The following HECW2 variants were observed in gnomAD, a reference collection of about 807,000 sequenced individuals.
HECW2 encodes the protein E3 ubiquitin-protein ligase HECW2.
Under a neutral mutation model 175.2 loss-of-function variants are expected in HECW2, and 61 were observed. That is an observed-to-expected ratio of 0.35 (90% CI 0.28 to 0.43). The LOEUF (loss-of-function observed/expected upper bound fraction) is 0.43, where lower values mean the gene tolerates loss of function less well. Ranked by LOEUF, HECW2 falls within the 20% of genes least tolerant of loss-of-function variation. HECW2 has a pLI of 1.00. For synonymous variants in HECW2, 671 were observed against 731.0 expected (o/e 0.92, Z 1.32); for missense variants, 1,524 against 2,000.5 (o/e 0.76, Z 4.54).
At chr2:196,283,661 G>A (rs578164166) in intron 14 of HECW2, among the ~76,000 whole-genome samples, 43 of 152,200 alleles carry the variant, frequency 2.8e-4, no homozygotes, top group Non-Finnish European at 4.9e-4. Context: ...AATTACAGGC[G>A]TAAGCCACCA....
rs747762989 is a variant in HECW2 at position 196,319,447 on chromosome 2, G to A, written c.1443C>T (p.Ser481=). The change falls in exon 9 of 29, where the codon TCC becomes TCT. Residue 481 remains serine (S), a synonymous_variant. Transcript: ENST00000644978. ...EFQQDLGYPS[S]LEEEGGLIMF... is the part of the protein sequence containing the mutation. ...TGATCAGGCCTCCCTCCTCCTCCAA[G>A]GAAGATGGGTAACCCAGGTCTTGCT... 20 of 1,613,808 alleles carry A rather than the reference G, an allele frequency of 1.2e-5. No individual in the cohort carries two copies. Among genetic ancestry groups the A allele is most frequent in the African/African-American group, 5.3e-5 (4 of 74,924 alleles).
chr2:196,529,753 A>C (rs1688782061), intron 1 of HECW2, among the ~76,000 whole-genome samples: 1 of 152,242 alleles, frequency 6.6e-6, no homozygotes, highest in Non-Finnish European at 1.5e-5. Flanking sequence ...CTGAGTGACC[A>C]TGAAGAGCAA....
chr2:196,237,278 T>C (rs964351806), intron 21 of HECW2, among the ~76,000 whole-genome samples: 2 of 152,216 alleles, frequency 1.3e-5, no homozygotes, highest in Admixed American at 1.3e-4. Context: ...TTCTGAGATT[T>C]TGGTGCACCA....
chr2:196,472,161 T>C (rs1697227325), intron 1 of HECW2, among the ~76,000 whole-genome samples: 1 of 152,034 alleles, frequency 6.6e-6, no homozygotes, highest in Non-Finnish European at 1.5e-5. Flanking sequence ...ATGCTATATA[T>C]TGTATGTAGG....
chr2:196,305,937 C>T (rs567852532), intron 13 of HECW2, among the ~76,000 whole-genome samples: 5 of 152,194 alleles, frequency 3.3e-5, no homozygotes, highest in South Asian at 2.1e-4. Flanking sequence ...CCTCAGCCCT[C>T]GGAGACTCGT....
intron 28 of HECW2, among the ~76,000 whole-genome samples, chr2:196,208,575 G>T (rs1046952412): frequency 5.9e-5 from 9 of 152,210 alleles, no homozygotes; most frequent in South Asian, 2.1e-4. Context: ...AGGGGTGAAA[G>T]AGTGACAGGT....
chr2:196,418,222 G>A (rs552001005), intron 2 of HECW2, among the ~76,000 whole-genome samples: 14 of 151,676 alleles, frequency 9.2e-5, no homozygotes, highest in African/African-American at 2.9e-4. Flanking sequence ...TCTGCCTCCC[G>A]GGTTCACGCC....
chr2:196,451,389 C>T (rs944231957), intron 1 of HECW2, among the ~76,000 whole-genome samples: 3 of 148,570 alleles, frequency 2.0e-5, no homozygotes, highest in African/African-American at 5.0e-5. Flanking sequence ...GCTGAGATCG[C>T]GCCACTGCAC....
intron 27 of HECW2, 41 bp from the exon 28 acceptor site, chr2:196,216,018 G>A (rs1482330377): frequency 7.1e-7 from 1 of 1,408,768 alleles, no homozygotes; most frequent in African/African-American, 1.4e-5. Flanking sequence ...TGAAGCCAGA[G>A]ACCAACAGCC....
chr2:196,415,156 G>A (rs1317085310), intron 2 of HECW2, among the ~76,000 whole-genome samples: 2 of 152,090 alleles, frequency 1.3e-5, no homozygotes, highest in Admixed American at 6.5e-5. Context: ...ATTTCTCTGG[G>A]GCCACTGTCT....
At chr2:196,321,706 T>C (rs1178445035) in intron 7 of HECW2, among the ~76,000 whole-genome samples, 1 of 152,156 alleles carries the variant, frequency 6.6e-6, no homozygotes, top group Non-Finnish European at 1.5e-5. Context: ...GGCCAACTTA[T>C]TCTTAATTAA....
At chr2:196,228,632 T>C (rs1025173978) in intron 21 of HECW2, among the ~76,000 whole-genome samples, 4 of 152,242 alleles carry the variant, frequency 2.6e-5, no homozygotes, top group African/African-American at 9.6e-5. Context: ...GAGAAAGCTT[T>C]ATTTAAACAG....
At chr2:196,494,343 A>G (rs1298809053) in intron 1 of HECW2, among the ~76,000 whole-genome samples, 1 of 152,240 alleles carries the variant, frequency 6.6e-6, no homozygotes, top group African/African-American at 2.4e-5. Flanking sequence ...TAAGAAGAGC[A>G]TTCTAGTAGC....
chr2:196,398,225 A>G (rs1032200254), intron 2 of HECW2, among the ~76,000 whole-genome samples: 8 of 152,126 alleles, frequency 5.3e-5, no homozygotes, highest in Admixed American at 3.3e-4. Flanking sequence ...AATGGGAAAG[A>G]CTCATAATTT....
chr2:196,555,042 GC>G (rs1553537277), intron 1 of HECW2, among the ~76,000 whole-genome samples: 1 of 152,024 alleles, frequency 6.6e-6, no homozygotes, highest in Non-Finnish European at 1.5e-5. Flanking sequence ...CTTCAAGGTC[GC>G]CCAAAATACA....
In HECW2 at chr2:196,433,279, C is replaced by T. The variant is rs1695770270; in HGVS notation, c.145G>A (p.Asp49Asn). 4 of 1,614,116 alleles carry T rather than the reference C, an allele frequency of 2.5e-6. No individual in the cohort carries two copies. Among genetic ancestry groups the T allele is most frequent in the African/African-American group, 1.3e-5 (1 of 75,016 alleles). The change falls in exon 2 of 29, where the codon GAC becomes AAC. Residue 49 changes from aspartate (D) to asparagine (N), a missense_variant. Physicochemically the swap from Asp to Asn is conservative, Grantham distance 23. This residue lies in a region of HECW2 where 135 missense variants were observed against 214.6 expected (regional missense o/e 0.63). Coordinates refer to ENST00000644978, the MANE Select transcript of HECW2 (RefSeq NM_001348768.2). Reference sequence around the variant, plus strand: ...CTCTCAGAAGTCACCAGGTCGGTGTCGCTGTTGGCCCGCTGCAGGGTCATG... The same window carrying T: ...CTCTCAGAAGTCACCAGGTCGGTGTTGCTGTTGGCCCGCTGCAGGGTCATG... ...ENMTLQRANS[D>N]TDLVTSESRS... is the part of the protein sequence containing the mutation.
At chr2:196,208,825 C>T (rs532510333) in intron 28 of HECW2, among the ~76,000 whole-genome samples, 84 of 152,196 alleles carry the variant, frequency 5.5e-4, no homozygotes, top group African/African-American at 1.8e-3. Context: ...CAGACCAGGG[C>T]CCCACAGGAA....
intron 1 of HECW2, among the ~76,000 whole-genome samples, chr2:196,540,988 C>A (rs1689192615): frequency 6.6e-6 from 1 of 152,200 alleles, no homozygotes; most frequent in African/African-American, 2.4e-5. Flanking sequence ...AGCCATCCAT[C>A]AATGTGCCCT....
chr2:196,464,119 T>C (rs1696854756), intron 1 of HECW2, among the ~76,000 whole-genome samples: 1 of 152,100 alleles, frequency 6.6e-6, no homozygotes, highest in Non-Finnish European at 1.5e-5. Context: ...GCCATTATCA[T>C]CTCAACTGCT....
Sources: allele counts gnomAD v4.1 joint callset (sites outside exome capture counted in the v4.1 genomes callset), GRCh38; gene constraint gnomAD v4.1.1; regional missense constraint gnomAD v4.1.1; transcripts MANE v1.5; gene names NCBI Gene and HGNC (gene_info 2026-07-23, HGNC 2026-07-21).